The following GLI3 variants were observed in gnomAD, a reference collection of about 807,000 sequenced individuals.
The protein encoded by GLI3 is transcription activator GLI3.
GLI3 carries 20 observed loss-of-function variants against 100.8 expected under a neutral mutation model. The ratio of observed to expected loss-of-function variants is 0.20; its 90% CI spans 0.14 to 0.29. The LOEUF is 0.29. Ranked by LOEUF, GLI3 falls within the 10% of genes least tolerant of loss-of-function variation. The pLI, the probability that GLI3 is intolerant of heterozygous loss-of-function variation, is 1.00. For missense variants in GLI3, 2,040 were observed against 2,128.5 expected (o/e 0.96, Z 0.82); for synonymous variants, 938 against 860.5 (o/e 1.09, Z -1.58).
intron 1 of GLI3, among the ~76,000 whole-genome samples, chr7:42,236,533 C>T (rs550468631): frequency 6.6e-6 from 1 of 152,304 alleles, no homozygotes; most frequent in South Asian, 2.1e-4. Flanking sequence ...CACCATGCCT[C>T]CCGCCTCCTT....
intron 4 of GLI3, among the ~76,000 whole-genome samples, chr7:42,076,512 T>A (rs968679371): frequency 3.9e-5 from 6 of 152,186 alleles, no homozygotes; most frequent in African/African-American, 1.4e-4. Flanking sequence ...AGAACACACG[T>A]CAGCAAAATA....
chr7:42,075,363 T>C (rs1784858816), intron 4 of GLI3, among the ~76,000 whole-genome samples: 1 of 152,198 alleles, frequency 6.6e-6, no homozygotes, highest in African/African-American at 2.4e-5. Flanking sequence ...CCGAGGTCTA[T>C]CTGGCCCTTG....
intron 2 of GLI3, among the ~76,000 whole-genome samples, chr7:42,203,664 T>C (rs1788092631): frequency 6.6e-6 from 1 of 152,174 alleles, no homozygotes. Context: ...CCATTGTGAA[T>C]AAGGCTGCAA....
chr7:42,202,458 G>A (rs1303563609), intron 2 of GLI3, among the ~76,000 whole-genome samples: 1 of 151,756 alleles, frequency 6.6e-6, no homozygotes, highest in Non-Finnish European at 1.5e-5. Context: ...AAACATGTAA[G>A]ACAGCAATTC....
At position 41,972,808 on chromosome 7, in the gene GLI3, C is replaced by T. The variant is rs1282499195; in HGVS notation, c.1813-181G>A. 2.0e-5 allele frequency among the ~76,000 whole-genome samples: 3 copies of T among 152,106 alleles called. No individual in the cohort carries two copies. Among genetic ancestry groups the T allele is most frequent in the Non-Finnish European group, 4.4e-5 (3 of 68,026 alleles). On this transcript the variant is annotated intron_variant, in intron 12 of 14. Transcript: ENST00000395925. The surrounding 1 kb of genome is among the most constrained non-coding windows in gnomAD (Gnocchi z 4.4). Reference sequence around the variant, plus strand: ...TAATAAGGCCATTAGAACACTGTTCCGTGTCCATAGAATTTAGCTTTAATA... The same window carrying T: ...TAATAAGGCCATTAGAACACTGTTCTGTGTCCATAGAATTTAGCTTTAATA...
At chr7:42,052,681 GA>G (rs201441251) in intron 4 of GLI3, among the ~76,000 whole-genome samples, 116 of 148,958 alleles carry the variant, frequency 7.8e-4, no homozygotes, top group Non-Finnish European at 1.3e-3. Flanking sequence ...TCTAAACTCA[GA>G]AAAAAAAAAG....
chr7:42,129,347 A>C (rs896550900), intron 3 of GLI3, among the ~76,000 whole-genome samples: 1 of 152,214 alleles, frequency 6.6e-6, no homozygotes, highest in African/African-American at 2.4e-5. Context: ...TGAAACTCTT[A>C]ACACAGTCAA....
chr7:42,121,432 A>C (rs1785995652), intron 3 of GLI3, among the ~76,000 whole-genome samples: 1 of 152,240 alleles, frequency 6.6e-6, no homozygotes. Flanking sequence ...CAGTGAAGGT[A>C]AGCGGTACCT....
At chr7:42,034,855 A>G (rs1462090927) in intron 7 of GLI3, among the ~76,000 whole-genome samples, 1 of 151,966 alleles carries the variant, frequency 6.6e-6, no homozygotes, top group Non-Finnish European at 1.5e-5. Context: ...TTCGTTTATT[A>G]ATATGCTTAG....
chr7:41,973,355 GTC>G (rs1787417471), intron 12 of GLI3, among the ~76,000 whole-genome samples: 1 of 152,156 alleles, frequency 6.6e-6, no homozygotes, highest in Admixed American at 6.5e-5. Flanking sequence ...AGGATTTCTG[GTC>G]TGTTTTCTTC....
At chr7:42,228,082 C>T (rs1788618547) in intron 1 of GLI3, among the ~76,000 whole-genome samples, 1 of 151,816 alleles carries the variant, frequency 6.6e-6, no homozygotes, top group South Asian at 2.1e-4. Context: ...CAGGCCGCGG[C>T]GGCGGCGCGG....
At chr7:42,090,901 T>C (rs1481842264) in intron 3 of GLI3, among the ~76,000 whole-genome samples, 2 of 152,204 alleles carry the variant, frequency 1.3e-5, no homozygotes, top group Non-Finnish European at 2.9e-5. Context: ...ATTTTGCAAA[T>C]GAGAAAATAG....
At chr7:42,249,837 G>A (rs555617668) in intron 1 of GLI3, among the ~76,000 whole-genome samples, 1 of 152,212 alleles carries the variant, frequency 6.6e-6, no homozygotes, top group South Asian at 2.1e-4. Flanking sequence ...GCTCACACCT[G>A]TAATCCCAGC....
At chr7:42,065,682 G>A (rs934034557) in intron 4 of GLI3, among the ~76,000 whole-genome samples, 3 of 152,142 alleles carry the variant, frequency 2.0e-5, no homozygotes, top group African/African-American at 7.2e-5. Context: ...TGCAAATTAT[G>A]ATGAAATTCT....
intron 10 of GLI3, among the ~76,000 whole-genome samples, chr7:42,012,381 C>G (rs1318963780): frequency 6.6e-6 from 1 of 151,964 alleles, no homozygotes; most frequent in African/African-American, 2.4e-5. Context: ...CTCCTCTCCC[C>G]CCTCCCTTTT....
At chr7:42,196,373 G>A (rs1787928203) in intron 2 of GLI3, among the ~76,000 whole-genome samples, 1 of 152,138 alleles carries the variant, frequency 6.6e-6, no homozygotes. Context: ...AATGTGGATG[G>A]GAGGGGCCAG....
intron 2 of GLI3, among the ~76,000 whole-genome samples, chr7:42,218,030 C>G (rs1233999807): frequency 6.6e-6 from 1 of 152,186 alleles, no homozygotes; most frequent in Non-Finnish European, 1.5e-5. Context: ...ACTCACATGG[C>G]TAGTCCTTCG....
intron 6 of GLI3, 56 bp downstream of exon 6, chr7:42,045,328 T>C: frequency 1.3e-6 from 2 of 1,499,028 alleles, no homozygotes; most frequent in Non-Finnish European, 1.9e-6. Flanking sequence ...CTTCTCTGTT[T>C]CATAAAGTTG....
chr7:41,967,529 AGGGCCT>A (rs1459992335), intron 14 of GLI3, 61 bp downstream of exon 14: 11 of 1,059,564 alleles, frequency 1.0e-5, no homozygotes, highest in Non-Finnish European at 1.4e-5. Flanking sequence ...CATAAAACTG[AGGGCCT>A]GCATTTAAAA....
Sources: gnomAD v4.1 joint callset for allele counts (sites outside exome capture counted in the v4.1 genomes callset) on GRCh38, gnomAD v4.1.1 for gene constraint, Gnocchi (gnomAD v3.1) non-coding constraint, MANE v1.5 for transcripts, NCBI Gene and HGNC (gene_info 2026-07-23, HGNC 2026-07-21) for gene names.